ZBTB10: variants seen among roughly 807,000 people sequenced by gnomAD.
ZBTB10 encodes the protein zinc finger and BTB domain-containing protein 10.
A neutral mutation model predicts 76.4 loss-of-function variants in ZBTB10; 32 were observed. The observed-to-expected ratio is 0.42, with a 90% CI of 0.32 to 0.56. The LOEUF (loss-of-function observed/expected upper bound fraction) is 0.56, where lower values mean the gene tolerates loss of function less well. Among genes scored for constraint, ZBTB10 ranks in the 20% least tolerant of loss-of-function variants. The probability of loss-of-function intolerance (pLI) is 0.14; values close to 1 mark genes in which losing one functional copy is unlikely to be tolerated. For synonymous variants in ZBTB10, 523 were observed against 432.9 expected (o/e 1.21, Z -2.58); for missense variants, 1,057 against 1,098.5 (o/e 0.96, Z 0.53).
intron 1 of ZBTB10, among the ~76,000 whole-genome samples, chr8:80,491,556 A>T (rs1174153320): frequency 6.6e-6 from 1 of 152,194 alleles, no homozygotes; most frequent in Non-Finnish European, 1.5e-5. Context: ...TGGACTGTTC[A>T]TGGGAAAGTC....
Position 80,487,126 on chromosome 8 carries a change from C to G in ZBTB10, c.316C>G (p.Leu106Val). Reference protein sequence around the residue: ...LPQDAGGPTSLGGGAGGPLLA... With the variant: ...LPQDAGGPTSVGGGAGGPLLA... ...CCAAGACGCGGGCGGCCCCACCTCG[C>G]TTGGCGGTGGCGCGGGGGGCCCCCT... is the stretch of plus-strand genomic sequence containing the variant. The change falls in exon 1 of 6, where the codon CTT (leucine) becomes GTT (valine). Residue 106 changes from leucine to valine, a missense_variant. This residue lies in a region of ZBTB10 where 556 missense variants were observed against 451.7 expected (regional missense o/e 1.23). Transcript: ENST00000455036. 1.3e-6 allele frequency: 2 copies of G among 1,514,586 alleles called. No homozygotes were observed. The highest frequency in any genetic ancestry group is 1.4e-5 in the African/African-American group (1 of 70,160). 93.8% of individuals were successfully genotyped at this position (1,514,586 alleles called of 1,614,324 possible). A position where few individuals can be genotyped will look rare whatever the true frequency, so the allele number is the denominator to read the frequency against.
chr8:80,516,392 A>G (rs1444162786), intron 3 of ZBTB10, among the ~76,000 whole-genome samples: 1 of 152,248 alleles, frequency 6.6e-6, no homozygotes, highest in Non-Finnish European at 1.5e-5. Flanking sequence ...GTCTTAAACA[A>G]TAGAAAAACC....
rs1040412454 is a variant in ZBTB10 at position 80,525,472 on chromosome 8, A to G, written c.*5944A>G. 1.3e-5 allele frequency: 2 copies of G among 152,218 alleles called. No individual in the cohort carries two copies. Among genetic ancestry groups the G allele is most frequent in the African/African-American group, 4.8e-5 (2 of 41,468 alleles). The allele number at this position is 152,218 out of a possible 1,614,324, so 9.4% of individuals were successfully genotyped here. A position where few individuals can be genotyped will look rare whatever the true frequency, so the allele number is the denominator to read the frequency against. ...TTCCAAGTGTAAGTAGGTATGTGTT[A>G]GAATCTTGGTGAAAGATAAACACAA... On this transcript the variant is annotated 3_prime_UTR_variant, in exon 6 of 6. Transcript: ENST00000455036.
intron 2 of ZBTB10, among the ~76,000 whole-genome samples, chr8:80,510,960 T>G (rs982354739): frequency 7.2e-5 from 11 of 152,184 alleles, no homozygotes; most frequent in Admixed American, 2.6e-4. Flanking sequence ...TGGTTGGTTG[T>G]TTGGTTTCTA....
At chr8:80,488,521 T>C (rs377255886) in intron 1 of ZBTB10, among the ~76,000 whole-genome samples, 3 of 152,242 alleles carry the variant, frequency 2.0e-5, no homozygotes, top group East Asian at 3.9e-4. Flanking sequence ...TTCCAATAAG[T>C]ACTTTAAGCT....
Position 80,487,619 on chromosome 8 carries a change from T to C in ZBTB10, c.809T>C (p.Met270Thr). 6.2e-7 allele frequency: 1 copy of C among 1,613,932 alleles called. No homozygotes were observed. Among genetic ancestry groups the C allele is most frequent in the Non-Finnish European group, 8.5e-7 (1 of 1,179,860 alleles). ...CGCTATTCCAAGGATACTGGTCTTA[T>C]GTCTTGCGGCTGGTGCCAAAAGACC... ...WLRYSKDTGL[M>T]SCGWCQKTPA... The change falls in exon 1 of 6, where the codon ATG becomes ACG. Residue 270 changes from methionine to threonine, a missense_variant. By Grantham distance (81) the Met-to-Thr change is moderately conservative. Around this residue, in one of 5 missense-constraint regions of ZBTB10, gnomAD observed 556 missense variants for 451.7 expected, o/e 1.23. Transcript: ENST00000455036.
upstream of ZBTB10, chr8:80,485,879 G>C: frequency 1.3e-6 from 2 of 1,535,716 alleles, no homozygotes; most frequent in Non-Finnish European, 1.7e-6. Flanking sequence ...CCCGGGCGCG[G>C]GTAGGTGCGT....
rs1467978128 is a variant in ZBTB10 at position 80,518,412 on chromosome 8, A to G, written c.1970A>G (p.His657Arg). The G allele has an allele frequency of 1.3e-6, 2 of 1,550,622 alleles. No homozygotes were observed. The highest frequency in any genetic ancestry group is 1.7e-6 in the Non-Finnish European group (2 of 1,147,038). The change falls in exon 4 of 6, where the codon CAT becomes CGT. Residue 657 changes from histidine to arginine, a missense_variant. His to Arg is a conservative substitution (Grantham distance 29). Coordinates refer to ENST00000455036, the MANE Select transcript of ZBTB10 (RefSeq NM_001105539.3). Reference sequence around the variant, plus strand: ...TTTTTACTTGTACTAGGTACTTCACATGATTTCAAGTATGGTTTGATGCCT... The same window carrying G: ...TTTTTACTTGTACTAGGTACTTCACGTGATTTCAAGTATGGTTTGATGCCT... The part of the protein sequence containing the change: ...SQDGGDAGTS[H>R]DFKYGLMPGP...
rs1377239527 is a variant in ZBTB10 at position 80,521,013 on chromosome 8, ACTAAATTATG to A, written c.*1489_*1498del. 1 of 151,956 alleles carries A rather than the reference ACTAAATTATG, an allele frequency of 6.6e-6. No individual in the cohort carries two copies. The highest frequency in any genetic ancestry group is 1.5e-5 in the Non-Finnish European group (1 of 67,848). The allele number at this position is 151,956 out of a possible 1,614,324, so 9.4% of individuals were successfully genotyped here. On this transcript the variant is annotated 3_prime_UTR_variant, in exon 6 of 6. Transcript: ENST00000455036. ...ATATTTTCCTATTTTATATCAGGTA[ACTAAATTATG>A]CTAGTTATGTGGAAAAAATTGCAAA...
At position 80,487,414 on chromosome 8, in the gene ZBTB10, G is replaced by C. The variant is rs1402083745; in HGVS notation, c.604G>C (p.Gly202Arg). The C allele has an allele frequency of 6.5e-7, 1 of 1,540,588 alleles. No homozygotes were observed. The highest frequency in any genetic ancestry group is 8.8e-7 in the Non-Finnish European group (1 of 1,140,590). Residue 202 changes from glycine to arginine, a missense_variant, in exon 1 of 6, where the codon GGC becomes CGC. Gly to Arg is a moderately radical substitution (Grantham distance 125). Transcript: ENST00000455036. ...SLGDGSGAEG[G>R]SCSSSRRSGG... ...GGGCGACGGCAGCGGGGCGGAAGGC[G>C]GCAGCTGCAGCAGCAGCAGGCGGTC...
chr8:80,491,864 C>G (rs1815639960), intron 1 of ZBTB10, among the ~76,000 whole-genome samples: 1 of 152,204 alleles, frequency 6.6e-6, no homozygotes, highest in Non-Finnish European at 1.5e-5. Flanking sequence ...GAGAAACATG[C>G]ATCCAAATGT....
At chr8:80,516,798 T>C (rs1325244827) in intron 3 of ZBTB10, among the ~76,000 whole-genome samples, 1 of 152,218 alleles carries the variant, frequency 6.6e-6, no homozygotes, top group Non-Finnish European at 1.5e-5. Context: ...TCTTAAGTTA[T>C]CTTAATTTTT....
intron 2 of ZBTB10, among the ~76,000 whole-genome samples, chr8:80,513,235 G>A (rs191026844): frequency 9.0e-4 from 137 of 151,994 alleles, no homozygotes; most frequent in Admixed American, 1.9e-3. Context: ...TCTGCCTCCC[G>A]GACTCAGGCG....
chr8:80,485,743 A>C, upstream of ZBTB10: 1 of 1,521,400 alleles, frequency 6.6e-7, no homozygotes, highest in Admixed American at 2.0e-5. Context: ...AAGGAACAAA[A>C]TAAGTTCACT....
rs934800360 is a variant in ZBTB10, at chr8:80,487,865, A to G, written c.972+83A>G. On this transcript the variant is annotated intron_variant, in intron 1 of 5. Transcript: ENST00000455036. ...CTCCCTTCACCCCCACCCACCCCCG[A>G]AAAAAAACCTCAAAACCATTTTCCT... 1.4e-4 allele frequency: 199 copies of G among 1,430,152 alleles called. No individual in the cohort carries two copies. The African/African-American group carries it at 2.3e-3, about 17-fold the overall frequency. 88.6% of individuals were successfully genotyped at this position (1,430,152 alleles called of 1,614,324 possible).
intron 2 of ZBTB10, among the ~76,000 whole-genome samples, chr8:80,508,613 A>C (rs1161346435): frequency 1.3e-5 from 2 of 152,168 alleles, no homozygotes; most frequent in Non-Finnish European, 2.9e-5. Flanking sequence ...AACTGCCCAG[A>C]GGAGTTGGGA....
At chr8:80,497,681 A>ATTTTT (rs1815821010) in intron 1 of ZBTB10, among the ~76,000 whole-genome samples, 8 of 129,272 alleles carry the variant, frequency 6.2e-5, no homozygotes, top group South Asian at 2.8e-4. Flanking sequence ...GTGTCCTGGA[A>ATTTTT]TCTTTTTTTT....
At chr8:80,509,212 A>G (rs1339394860) in intron 2 of ZBTB10, among the ~76,000 whole-genome samples, 3 of 152,320 alleles carry the variant, frequency 2.0e-5, no homozygotes, top group East Asian at 1.9e-4. Flanking sequence ...ATGGGGGGGA[A>G]AAGCACCAAA....
At chr8:80,505,841 C>T (rs1039981916) in intron 2 of ZBTB10, among the ~76,000 whole-genome samples, 15 of 151,780 alleles carry the variant, frequency 9.9e-5, no homozygotes, top group African/African-American at 1.2e-4. Flanking sequence ...GTGATTCTCC[C>T]GCCTCACTCT....
Sources: allele counts gnomAD v4.1 joint callset (sites outside exome capture counted in the v4.1 genomes callset), GRCh38; gene constraint gnomAD v4.1.1; regional missense constraint gnomAD v4.1.1; transcripts MANE v1.5; gene names NCBI Gene and HGNC (gene_info 2026-07-23, HGNC 2026-07-21).